CD200R1L: variants seen among roughly 807,000 people sequenced by gnomAD.
The protein encoded by CD200R1L is CD200 receptor 1 like, also known as cell surface glycoprotein CD200 receptor 2.
In CD200R1L, 14 loss-of-function variants were observed where a neutral mutation model predicts 24.8. The ratio of observed to expected loss-of-function variants is 0.56; its 90% confidence interval spans 0.37 to 0.88. CD200R1L has a LOEUF of 0.88. CD200R1L is among the 40% of genes least tolerant of loss of function. The pLI, the probability that CD200R1L is intolerant of heterozygous loss-of-function variation, is 0.00. For missense variants in CD200R1L, 299 were observed against 297.8 expected, an observed-to-expected ratio of 1.00 and a Z score of -0.03; for synonymous variants, 111 against 109.2, an observed-to-expected ratio of 1.02 and a Z score of -0.11.
intron 7 of CD200R1L, chr3:112,818,828 A>G (rs899673973): frequency 6.5e-6 from 1 of 154,432 alleles, no homozygotes; most frequent in Non-Finnish European, 1.5e-5. Flanking sequence ...TTATGATGGC[A>G]GGCACGAAGC....
At chr3:112,834,967 T>A (rs1156995795) in intron 3 of CD200R1L, among the ~76,000 whole-genome samples, 2 of 152,246 alleles carry the variant, frequency 1.3e-5, no homozygotes, top group Non-Finnish European at 2.9e-5. Context: ...GTCACAGCCC[T>A]GGCTCAGGGA....
intron 6 of CD200R1L, among the ~76,000 whole-genome samples, chr3:112,826,104 AAAG>A (rs1353651415): frequency 6.6e-6 from 1 of 151,998 alleles, no homozygotes; most frequent in African/African-American, 2.4e-5. Flanking sequence ...GCAAAAAAGA[AAAG>A]AACAAACATG....
chr3:112,842,316 A>T (rs1026900136), intron 2 of CD200R1L, among the ~76,000 whole-genome samples: 1 of 152,232 alleles, frequency 6.6e-6, no homozygotes, highest in Non-Finnish European at 1.5e-5. Context: ...TTTCATGGAC[A>T]TTTATCAGTT....
intron 3 of CD200R1L, 41 bp downstream of exon 3, chr3:112,837,901 C>A: frequency 1.2e-6 from 1 of 813,044 alleles, no homozygotes; most frequent in Non-Finnish European, 1.6e-6. Flanking sequence ...GATGATCCAA[C>A]CCTCCCATCA....
intron 3 of CD200R1L, among the ~76,000 whole-genome samples, chr3:112,831,007 G>C (rs1464934878): frequency 6.6e-6 from 1 of 152,168 alleles, no homozygotes; most frequent in Non-Finnish European, 1.5e-5. Context: ...GGGGAAGGAG[G>C]AATAGGGGGG....
chr3:112,829,586 A>T, intron 3 of CD200R1L: 2 of 907,252 alleles, frequency 2.2e-6, no homozygotes, highest in Non-Finnish European at 2.6e-6. Flanking sequence ...AATTATACTT[A>T]TAAGCAATTG....
chr3:112,837,251 A>T (rs1483889671), intron 3 of CD200R1L, among the ~76,000 whole-genome samples: 2 of 151,962 alleles, frequency 1.3e-5, no homozygotes, highest in Non-Finnish European at 2.9e-5. Context: ...GTATTTTTTT[A>T]AATTTACTTC....
At chr3:112,829,489 C>A in intron 3 of CD200R1L, 105 bp from the exon 4 acceptor site, 3 of 1,271,792 alleles carry the variant, frequency 2.4e-6, no homozygotes, top group East Asian at 2.5e-5. Context: ...ATTAGTTAAC[C>A]ATAACTAAAA....
chr3:112,816,290 C>T (rs1490342620), intron 7 of CD200R1L, among the ~76,000 whole-genome samples: 2 of 152,206 alleles, frequency 1.3e-5, no homozygotes, highest in Non-Finnish European at 2.9e-5. Context: ...TCTAGGTTGG[C>T]CTCAACAGAG....
intron 2 of CD200R1L, among the ~76,000 whole-genome samples, chr3:112,844,288 T>C (rs1411497776): frequency 6.6e-6 from 1 of 152,206 alleles, no homozygotes; most frequent in Non-Finnish European, 1.5e-5. Flanking sequence ...GTCAGCCACA[T>C]GCTCAACCAC....
Position 112,832,133 on chromosome 3 carries a change from T to C in CD200R1L, c.-17-2749A>G, listed in dbSNP as rs12631959. On this transcript the variant is annotated intron_variant, in intron 3 of 7. Coordinates refer to ENST00000488794, the MANE Select transcript of CD200R1L (RefSeq NM_001199215.3). ...CTTCACCAAAGAACCTATGACCATG[T>C]GTTTAGGTAACCATAACTGGGGAAA... Among the ~76,000 whole-genome samples, 133 of 152,330 alleles carry C rather than the reference T, an allele frequency of 8.7e-4. 1 individual carries two copies. In the East Asian group the frequency reaches 0.024, roughly 27 times the overall value.
chr3:112,846,817 A>G lies in CD200R1L; in HGVS notation c.-551T>C, dbSNP rs183527589. The G allele has an allele frequency of 1.4e-3, 216 of 152,346 alleles. No individual in the cohort carries two copies. The highest frequency in any genetic ancestry group is 4.9e-3 in the African/African-American group (204 of 41,574). The allele number at this position is 152,346 out of a possible 1,614,324, so 9.4% of individuals were successfully genotyped here. ...AGGAAAACTGGGCGCATACACAGGA[A>G]CACCATGTGAAGATAAAAGGCAGAG... On this transcript the variant is annotated 5_prime_UTR_variant, in exon 1 of 8. Transcript: ENST00000488794.
At chr3:112,822,687 A>C (rs1349853302) in intron 6 of CD200R1L, among the ~76,000 whole-genome samples, 3 of 152,148 alleles carry the variant, frequency 2.0e-5, no homozygotes, top group Non-Finnish European at 4.4e-5. Context: ...AGTAATAGTA[A>C]ATAAGTGCAT....
At chr3:112,834,358 A>G (rs1013264983) in intron 3 of CD200R1L, among the ~76,000 whole-genome samples, 6 of 149,064 alleles carry the variant, frequency 4.0e-5, no homozygotes, top group African/African-American at 1.5e-4. Context: ...TGACTCGTTT[A>G]GAGAATTTGT....
chr3:112,833,930 G>T (rs1453451576), intron 3 of CD200R1L, among the ~76,000 whole-genome samples: 1 of 152,202 alleles, frequency 6.6e-6, no homozygotes, highest in Non-Finnish European at 1.5e-5. Context: ...TAATAAAAGA[G>T]ATAAACTCAT....
chr3:112,815,757 A>G lies in CD200R1L; in HGVS notation c.*206T>C. The G allele has an allele frequency of 1.8e-6, 1 of 543,472 alleles. No homozygotes were observed. The highest frequency in any genetic ancestry group is 3.6e-5 in the Admixed American group (1 of 27,930). 33.7% of individuals were successfully genotyped at this position (543,472 alleles called of 1,614,324 possible). The stretch of plus-strand genomic sequence containing the variant: ...CACTCTAACACAAAAGAAGTCAATG[A>G]ATAGGTGGTTGAGGGTTTATAGGGA... On this transcript the variant is annotated 3_prime_UTR_variant, in exon 8 of 8. Coordinates refer to ENST00000488794, the MANE Select transcript of CD200R1L (RefSeq NM_001199215.3).
intron 6 of CD200R1L, among the ~76,000 whole-genome samples, chr3:112,825,157 T>A (rs550405031): frequency 6.6e-6 from 1 of 151,174 alleles, no homozygotes. Context: ...GAGGATGGCA[T>A]GAACCTGGGA....
At chr3:112,837,651 A>T (rs1038915066) in intron 3 of CD200R1L, among the ~76,000 whole-genome samples, 1 of 152,220 alleles carries the variant, frequency 6.6e-6, no homozygotes, top group Non-Finnish European at 1.5e-5. Flanking sequence ...CTACCTTGTA[A>T]TATAATTCTG....
chr3:112,842,382 A>G (rs1351592766), intron 2 of CD200R1L, among the ~76,000 whole-genome samples: 2 of 152,246 alleles, frequency 1.3e-5, no homozygotes, highest in Non-Finnish European at 2.9e-5. Flanking sequence ...TAATCCTATT[A>G]TCTTCATAAG....
Sources: allele counts gnomAD v4.1 joint callset (sites outside exome capture counted in the v4.1 genomes callset), GRCh38; gene constraint gnomAD v4.1.1; transcripts MANE v1.5; gene names NCBI Gene and HGNC (gene_info 2026-07-23, HGNC 2026-07-21).